Variants in DMD observed in about 807,000 individuals in gnomAD.
The protein encoded by DMD is dystrophin, also known as mutant dystrophin.
In DMD, 63 loss-of-function variants were observed where a neutral mutation model predicts 330.1. The observed-to-expected ratio is 0.19, with a 90% CI of 0.16 to 0.24. DMD has a LOEUF of 0.24. DMD is among the 10% of genes least tolerant of loss of function. The probability of loss-of-function intolerance (pLI) is 1.00; values close to 1 mark genes in which losing one functional copy is unlikely to be tolerated. For synonymous variants in DMD, 1,223 were observed against 959.8 expected (o/e 1.27, Z -5.07); for missense variants, 3,344 against 2,684.1 (o/e 1.25, Z -5.43).
At chrX:31,498,517 T>A (rs12687271) in intron 56 of DMD, among the ~76,000 whole-genome samples, 4,007 of 112,074 alleles carry the variant, frequency 0.036, 72 homozygotes, top group Middle Eastern at 0.08. Context: ...TCATCCCAGT[T>A]ACTAAATGAG....
chrX:32,007,161 C>T (rs903543823), intron 44 of DMD, among the ~76,000 whole-genome samples: 3 of 103,757 alleles, frequency 2.9e-5, no homozygotes, highest in South Asian at 4.8e-4. Context: ...ATGGCACATG[C>T]ATACATATGT....
chrX:32,549,333 G>C (rs1258625704), intron 16 of DMD, among the ~76,000 whole-genome samples: 1 of 111,576 alleles, frequency 9.0e-6, no homozygotes, highest in African/African-American at 3.3e-5. Flanking sequence ...AGCAAGGACA[G>C]CTTCATGGGC....
At chrX:32,802,107 C>T (rs1287708071) in intron 7 of DMD, among the ~76,000 whole-genome samples, 2 of 111,555 alleles carry the variant, frequency 1.8e-5, no homozygotes, top group South Asian at 3.7e-4. Flanking sequence ...GGCAGTATGG[C>T]CATTTTCATG....
chrX:33,039,340 T>C (rs186559521), intron 1 of DMD, among the ~76,000 whole-genome samples: 1 of 109,738 alleles, frequency 9.1e-6, no homozygotes, highest in Non-Finnish European at 1.9e-5. Context: ...TTTTCCTTCC[T>C]ACGCCCACCC....
At chrX:31,975,701 A>G (rs1044123417) in intron 44 of DMD, among the ~76,000 whole-genome samples, 1 of 112,090 alleles carries the variant, frequency 8.9e-6, no homozygotes, top group Non-Finnish European at 1.9e-5. Flanking sequence ...GTGATATTCG[A>G]AAGGAAGCAT....
chrX:33,234,960 C>T lies in DMD; in HGVS notation c.7+104299G>A, dbSNP rs761084248. On this transcript the variant is annotated intron_variant, in intron 1 of 17. Transcript: ENST00000288447. ...AATGGCTCTTCCTAGTGTGCTGCTG[C>T]CCCTCAGCATGGGCTTCAGCCCCAC... Among the ~76,000 whole-genome samples, 13 of 111,848 alleles carry T rather than the reference C, an allele frequency of 1.2e-4. 1 individual carries two copies. The South Asian group carries it at 4.5e-3, about 39-fold the overall frequency.
Position 32,644,991 on chromosome X carries a change from C to G in DMD, c.1122G>C (p.Val374=), listed in dbSNP as rs769001938. The change falls in exon 10 of 79, where the codon GTG becomes GTC. Residue 374 remains valine, a synonymous_variant. Transcript: ENST00000357033. ...CATGAGTATGAAACTGGTCTTTCAC[C>G]ACTTCCACATCATTAGAAATCTCTC... ...AQGEISNDVE[V]VKDQFHTHEG... 6.2e-5 allele frequency: 75 copies of G among 1,209,476 alleles called. No individual in the cohort carries two copies. Among genetic ancestry groups the G allele is most frequent in the Non-Finnish European group, 7.7e-5 (69 of 895,074 alleles).
At chrX:31,387,524 C>T (rs2148766588) in intron 60 of DMD, among the ~76,000 whole-genome samples, 1 of 111,321 alleles carries the variant, frequency 9.0e-6, no homozygotes, top group South Asian at 3.8e-4. Flanking sequence ...CTCAGCCTCC[C>T]AAGTAGCCGG....
intron 19 of DMD, among the ~76,000 whole-genome samples, chrX:32,495,214 G>A (rs753693254): frequency 5.4e-5 from 6 of 111,749 alleles, no homozygotes; most frequent in Non-Finnish European, 9.4e-5. Flanking sequence ...CTCAACAAGG[G>A]CATAAACTGT....
intron 4 of DMD, among the ~76,000 whole-genome samples, chrX:32,823,982 T>A (rs1480360355): frequency 3.6e-5 from 4 of 111,679 alleles, no homozygotes; most frequent in African/African-American, 1.3e-4. Context: ...AACACAAGCA[T>A]CTGAAAAGCA....
In DMD at chrX:33,106,047, ACACACAC is replaced by A. The variant is rs778540015; in HGVS notation, c.32-85854_32-85848del. ...AGAGTGGATAAAGAAAATGTGAGAT[ACACACAC>A]CACACACACACACACACACACACAC... On this transcript the variant is annotated intron_variant, in intron 1 of 78. Transcript: ENST00000357033. Among the ~76,000 whole-genome samples, 78 of 21,959 alleles carry A rather than the reference ACACACAC, an allele frequency of 3.6e-3. 1 individual carries two copies. Among genetic ancestry groups the A allele is most frequent in the East Asian group, 0.033 (1 of 30 alleles). The allele number at this position is 21,959 out of a possible 115,157, so 19.1% of individuals were successfully genotyped here. A position where few individuals can be genotyped will look rare whatever the true frequency, so the allele number is the denominator to read the frequency against.
rs60803154 is a variant in DMD at position 33,163,602 on chromosome X, A to C, written c.31+47680T>G. 2.9e-4 allele frequency among the ~76,000 whole-genome samples: 19 copies of C among 64,513 alleles called. No individual in the cohort carries two copies. The East Asian group carries it at 3.2e-3, about 11-fold the overall frequency. The allele number at this position is 64,513 out of a possible 115,157, so 56.0% of individuals were successfully genotyped here. ...TATATGTGTATATATCTATATCTATATATATCTATATCTATCTCTATCTAT... is the reference window on the plus strand; with the variant it reads ...TATATGTGTATATATCTATATCTATCTATATCTATATCTATCTCTATCTAT... On this transcript the variant is annotated intron_variant, in intron 1 of 78. Transcript: ENST00000357033.
At chrX:32,442,618 C>G (rs761663761) in intron 27 of DMD, among the ~76,000 whole-genome samples, 15 of 110,208 alleles carry the variant, frequency 1.4e-4, no homozygotes, top group South Asian at 1.2e-3. Flanking sequence ...ATTCACATAC[C>G]CATCAAGACA....
intron 1 of DMD, among the ~76,000 whole-genome samples, chrX:33,032,392 C>G (rs184515812): frequency 0.09 from 9,984 of 111,320 alleles, 387 homozygotes; most frequent in Middle Eastern, 0.25. Context: ...TTGTTTTTTA[C>G]AGAGCATTAG....
At chrX:31,168,578 C>T (rs2039663171) in intron 74 of DMD, among the ~76,000 whole-genome samples, 1 of 111,607 alleles carries the variant, frequency 9.0e-6, no homozygotes, top group African/African-American at 3.3e-5. Flanking sequence ...ACTGCGTTGC[C>T]TACGTTAAGA....
At chrX:32,483,100 A>C (rs1171988758) in intron 21 of DMD, among the ~76,000 whole-genome samples, 1 of 95,016 alleles carries the variant, frequency 1.1e-5, no homozygotes, top group Non-Finnish European at 2.1e-5. Context: ...ATTTCAAATT[A>C]ACAAAATCAA....
intron 44 of DMD, among the ~76,000 whole-genome samples, chrX:31,973,947 G>A (rs1302332252): frequency 9.0e-6 from 1 of 111,153 alleles, no homozygotes; most frequent in Non-Finnish European, 1.9e-5. Context: ...AATTTGCAAG[G>A]AACTCAGTCA....
chrX:32,306,339 C>T (rs917138589), intron 42 of DMD, among the ~76,000 whole-genome samples: 1 of 110,949 alleles, frequency 9.0e-6, no homozygotes, highest in Admixed American at 9.6e-5. Context: ...CTCAAGAGGA[C>T]TTGAACGACC....
chrX:32,017,240 T>C (rs1164391839), intron 44 of DMD, among the ~76,000 whole-genome samples: 1 of 111,724 alleles, frequency 9.0e-6, no homozygotes, highest in East Asian at 2.8e-4. Context: ...CAATTACCAG[T>C]TTTTCAATAA....
Sources: allele counts gnomAD v4.1 joint callset (sites outside exome capture counted in the v4.1 genomes callset), GRCh38; gene constraint gnomAD v4.1.1; transcripts MANE v1.5; gene names NCBI Gene and HGNC (gene_info 2026-07-23, HGNC 2026-07-21).